LINGO2: variants seen among roughly 807,000 people sequenced by gnomAD.
LINGO2 encodes leucine rich repeat and Ig domain containing 2, also known as leucine-rich repeat and immunoglobulin-like domain-containing nogo receptor-interacting protein 2.
LINGO2 carries 14 observed loss-of-function variants against 30.6 expected under a neutral mutation model. The ratio of observed to expected loss-of-function variants is 0.46; its 90% CI spans 0.30 to 0.72. The LOEUF (loss-of-function observed/expected upper bound fraction) is 0.72. LINGO2 is among the 30% of genes least tolerant of loss of function. The pLI, the probability that LINGO2 is intolerant of heterozygous loss-of-function variation, is 0.07. For synonymous variants in LINGO2, 317 were observed against 288.5 expected, an observed-to-expected ratio of 1.10 and a Z score of -1.00; for missense variants, 729 against 751.7, an observed-to-expected ratio of 0.97 and a Z score of 0.35.
exon 6 of LINGO2, chr9:27,950,035 T>C (rs201870680): frequency 5.6e-6 from 9 of 1,614,100 alleles, no homozygotes; most frequent in African/African-American, 1.3e-5. Context: ...ATATTGTTGA[T>C]ATTGAGATGC....
At chr9:28,761,500 GCA>G in the LINGO2 span, among the ~76,000 whole-genome samples, 29 of 117,812 alleles carry the variant, frequency 2.5e-4, no homozygotes, top group African/African-American at 7.4e-4. Context: ...ACACACACAC[GCA>G]CACACACGTG....
At chr9:28,504,537 T>A (rs898185889) in intron 1 of LINGO2, among the ~76,000 whole-genome samples, 1 of 151,866 alleles carries the variant, frequency 6.6e-6, no homozygotes, top group Admixed American at 6.6e-5. Context: ...CTAACATGAT[T>A]GTTTAAAATG....
the LINGO2 span, among the ~76,000 whole-genome samples, chr9:28,684,479 G>A: frequency 2.7e-5 from 4 of 148,934 alleles, no homozygotes; most frequent in South Asian, 4.3e-4. Flanking sequence ...GTGAGCCACC[G>A]CGCCCAGCCT....
the LINGO2 span, among the ~76,000 whole-genome samples, chr9:28,769,477 TATATATATATATATATATATATATATATA>T: frequency 6.0e-4 from 1 of 1,664 alleles, no homozygotes; most frequent in African/African-American, 1.0e-3. Flanking sequence ...TATATATATA[TATATATATATATATATATATATATATATA>T]TATATATATA....
intron 2 of LINGO2, among the ~76,000 whole-genome samples, chr9:28,450,076 A>G (rs1414490674): frequency 6.6e-6 from 1 of 151,990 alleles, no homozygotes; most frequent in Non-Finnish European, 1.5e-5. Context: ...AGTCTTGTGG[A>G]TTGAATTTCC....
chr9:29,107,206 T>G, the LINGO2 span, among the ~76,000 whole-genome samples: 9 of 152,184 alleles, frequency 5.9e-5, no homozygotes, highest in East Asian at 1.7e-3. Flanking sequence ...GGAAAATTTA[T>G]GTTTATTGTA....
At chr9:28,463,525 T>C (rs932122906) in intron 2 of LINGO2, among the ~76,000 whole-genome samples, 33 of 152,058 alleles carry the variant, frequency 2.2e-4, no homozygotes, top group African/African-American at 7.7e-4. Context: ...TCAAGTAATG[T>C]AAATTAAATA....
chr9:28,387,128 A>G (rs1821614042), intron 2 of LINGO2, among the ~76,000 whole-genome samples: 2 of 152,084 alleles, frequency 1.3e-5, no homozygotes, highest in African/African-American at 4.8e-5. Context: ...GTAAAAATGC[A>G]CCAATCAGCA....
chr9:28,966,733 A>C, the LINGO2 span, among the ~76,000 whole-genome samples: 1 of 152,160 alleles, frequency 6.6e-6, no homozygotes, highest in East Asian at 1.9e-4. Context: ...AAAGAGTTTA[A>C]TGTATTCCAT....
chr9:28,456,990 A>AT (rs879440700), intron 2 of LINGO2, among the ~76,000 whole-genome samples: 4 of 152,170 alleles, frequency 2.6e-5, no homozygotes, highest in Middle Eastern at 3.2e-3. Context: ...AGCAAGAATC[A>AT]TTTTCTACAA....
At chr9:28,957,865 A>C in the LINGO2 span, among the ~76,000 whole-genome samples, 1 of 152,232 alleles carries the variant, frequency 6.6e-6, no homozygotes, top group Non-Finnish European at 1.5e-5. Context: ...TAATTTATTA[A>C]GCACTTTTTA....
chr9:28,106,082 A>G (rs1826582716), intron 4 of LINGO2, among the ~76,000 whole-genome samples: 2 of 152,068 alleles, frequency 1.3e-5, no homozygotes, highest in South Asian at 4.1e-4. Context: ...CATGTGAGGG[A>G]TATAGGTTAC....
chr9:28,325,666 C>G (rs1426936224), intron 3 of LINGO2, among the ~76,000 whole-genome samples: 1 of 152,152 alleles, frequency 6.6e-6, no homozygotes, highest in Non-Finnish European at 1.5e-5. Context: ...GTAAGATGTG[C>G]CTTTTGCCTT....
intron 4 of LINGO2, among the ~76,000 whole-genome samples, chr9:28,260,709 A>C (rs536374822): frequency 1.3e-5 from 2 of 152,058 alleles, no homozygotes; most frequent in African/African-American, 4.8e-5. Flanking sequence ...ACCAGCTCTG[A>C]GACAGATGAG....
chr9:28,537,160 A>G (rs943876455), intron 1 of LINGO2, among the ~76,000 whole-genome samples: 5 of 152,108 alleles, frequency 3.3e-5, no homozygotes, highest in African/African-American at 4.8e-5. Context: ...AGCATGAAAA[A>G]TACTCTCCCA....
intron 5 of LINGO2, among the ~76,000 whole-genome samples, chr9:28,005,684 C>G (rs1822231197): frequency 1.3e-5 from 2 of 152,006 alleles, no homozygotes; most frequent in South Asian, 4.2e-4. Flanking sequence ...AGATTCATTT[C>G]AGCCGATGAG....
intron 4 of LINGO2, among the ~76,000 whole-genome samples, chr9:28,241,009 G>T (rs928217052): frequency 3.3e-5 from 5 of 151,984 alleles, no homozygotes; most frequent in Admixed American, 1.3e-4. Context: ...AGTGGCTCAC[G>T]CCTGTAATTC....
the LINGO2 span, among the ~76,000 whole-genome samples, chr9:29,144,458 GA>G: frequency 0.24 from 36,221 of 150,580 alleles, 4,459 homozygotes; most frequent in East Asian, 0.41. Flanking sequence ...GCTTATTTTG[GA>G]AAAAAAAATA....
At chr9:28,708,461 T>C in the LINGO2 span, among the ~76,000 whole-genome samples, 5 of 152,098 alleles carry the variant, frequency 3.3e-5, no homozygotes, top group Non-Finnish European at 7.4e-5. Flanking sequence ...TTTCTCTGTA[T>C]ACCTGAAACT....
Sources: allele counts gnomAD v4.1 joint callset (sites outside exome capture counted in the v4.1 genomes callset), GRCh38; gene constraint gnomAD v4.1.1; transcripts MANE v1.5; gene names NCBI Gene and HGNC (gene_info 2026-07-23, HGNC 2026-07-21).